Variants in RSF1 observed in about 807,000 individuals in gnomAD.
RSF1 encodes HBV pX-associated protein 8.
RSF1 carries 13 observed loss-of-function variants against 145.2 expected under a neutral mutation model. That is an observed-to-expected ratio of 0.09 (90% CI 0.06 to 0.14). The LOEUF is 0.14. RSF1 is among the 10% of genes least tolerant of loss of function. The probability of loss-of-function intolerance (pLI) is 1.00; values close to 1 mark genes in which losing one functional copy is unlikely to be tolerated. For missense variants in RSF1, 1,517 were observed against 1,718.2 expected (o/e 0.88, Z 2.07); for synonymous variants, 577 against 592.6 (o/e 0.97, Z 0.38).
chr11:77,805,328 C>T (rs1161648593), intron 1 of RSF1, among the ~76,000 whole-genome samples: 1 of 151,762 alleles, frequency 6.6e-6, no homozygotes, highest in Non-Finnish European at 1.5e-5. Flanking sequence ...CTTAGCCAGG[C>T]GTGGTGGCAT....
intron 4 of RSF1, among the ~76,000 whole-genome samples, chr11:77,727,897 T>C (rs574524017): frequency 2.0e-5 from 3 of 152,242 alleles, no homozygotes; most frequent in Non-Finnish European, 4.4e-5. Context: ...GTAGTCGTTA[T>C]TATATGAAAA....
the RSF1 span, among the ~76,000 whole-genome samples, chr11:77,865,024 T>C: frequency 2.0e-5 from 3 of 152,132 alleles, no homozygotes; most frequent in African/African-American, 7.2e-5. Flanking sequence ...TAGTTCTTAC[T>C]CTCTCCTTCT....
chr11:77,702,770 T>C (rs1565154045), intron 5 of RSF1: 1 of 251,288 alleles, frequency 4.0e-6, no homozygotes, highest in Admixed American at 5.4e-5. Context: ...CAAATATTTA[T>C]GCAGTTCAAA....
intron 2 of RSF1, among the ~76,000 whole-genome samples, chr11:77,747,749 TTCTC>T (rs1332066551): frequency 1.3e-5 from 2 of 152,076 alleles, no homozygotes; most frequent in Non-Finnish European, 2.9e-5. Flanking sequence ...GCAAGAAACT[TTCTC>T]TCATTTCAGC....
At chr11:77,761,009 C>T (rs186620444) in intron 2 of RSF1, among the ~76,000 whole-genome samples, 2 of 152,050 alleles carry the variant, frequency 1.3e-5, no homozygotes, top group African/African-American at 4.8e-5. Context: ...CTCACTGCAA[C>T]CTCCGCCTCC....
At chr11:77,850,197 G>A in the RSF1 span, among the ~76,000 whole-genome samples, 4 of 152,176 alleles carry the variant, frequency 2.6e-5, no homozygotes, top group African/African-American at 4.8e-5. Flanking sequence ...AGATTTTGTA[G>A]TGATTACAGA....
At chr11:77,696,473 T>A (rs979881384) in intron 7 of RSF1, among the ~76,000 whole-genome samples, 3 of 152,232 alleles carry the variant, frequency 2.0e-5, no homozygotes, top group Non-Finnish European at 4.4e-5. Context: ...TTGAGGATTA[T>A]CCTTAAGCAC....
intron 3 of RSF1, among the ~76,000 whole-genome samples, chr11:77,743,754 G>C (rs1565167316): frequency 6.6e-6 from 1 of 152,078 alleles, no homozygotes; most frequent in Non-Finnish European, 1.5e-5. Context: ...GTACTATGTT[G>C]AATGTAAGTG....
Position 77,698,548 on chromosome 11 carries a change from G to C in RSF1, c.2654C>G (p.Ala885Gly). The C allele has an allele frequency of 3.1e-6, 5 of 1,614,066 alleles. No homozygotes were observed. The highest frequency in any genetic ancestry group is 4.2e-6 in the Non-Finnish European group (5 of 1,180,014). Residue 885 changes from alanine to glycine, a missense_variant, in exon 7 of 16, where the codon GCC becomes GGC. Transcript: ENST00000308488. ...EEEEEKESEE[A>G]ILADDDEPCK... is the part of the protein sequence containing the mutation. ...TGGTTCATCATCATCTGCTAGGATG[G>C]CTTCTTCACTTTCCTTTTCTTCCTC...
At chr11:77,747,625 C>CTTTAAGACA (rs758301411) in intron 2 of RSF1, among the ~76,000 whole-genome samples, 8 of 152,204 alleles carry the variant, frequency 5.3e-5, no homozygotes, top group Non-Finnish European at 1.2e-4. Context: ...TGTAACTTGG[C>CTTTAAGACA]TTTAAGATAA....
chr11:77,748,649 T>A (rs144060437), intron 2 of RSF1, among the ~76,000 whole-genome samples: 2 of 152,156 alleles, frequency 1.3e-5, no homozygotes, highest in Admixed American at 1.3e-4. Flanking sequence ...TTTACCACAA[T>A]GAGAAAGATA....
At chr11:77,856,094 G>C in the RSF1 span, among the ~76,000 whole-genome samples, 1 of 152,060 alleles carries the variant, frequency 6.6e-6, no homozygotes, top group African/African-American at 2.4e-5. Context: ...CTCCAGCCTG[G>C]GTGACAGAGT....
intron 1 of RSF1, among the ~76,000 whole-genome samples, chr11:77,803,560 C>T (rs1052976698): frequency 6.7e-5 from 10 of 149,986 alleles, no homozygotes; most frequent in African/African-American, 9.8e-5. Context: ...GGGTGGATCA[C>T]TTGAGGTCAG....
intron 4 of RSF1, among the ~76,000 whole-genome samples, chr11:77,730,764 A>G (rs1961187075): frequency 1.3e-5 from 2 of 152,200 alleles, no homozygotes; most frequent in African/African-American, 4.8e-5. Context: ...TTTTGAAAAC[A>G]GGAGTTTCCT....
At chr11:77,809,253 T>C (rs904059466) in intron 1 of RSF1, among the ~76,000 whole-genome samples, 1 of 152,236 alleles carries the variant, frequency 6.6e-6, no homozygotes, top group African/African-American at 2.4e-5. Flanking sequence ...TCTTGGTAGA[T>C]GACTTTATCA....
chr11:77,810,115 AACCTAAGTAAATCTTTTAAGTT>A (rs1219146165), intron 1 of RSF1, among the ~76,000 whole-genome samples: 1 of 152,226 alleles, frequency 6.6e-6, no homozygotes, highest in Non-Finnish European at 1.5e-5. Context: ...TCCTCTAAGT[AACCTAAGTAAATCTTTTAAGTT>A]CTACCTTTAA....
At position 77,661,593 on chromosome 11, in the gene RSF1, A is replaced by G. The variant is rs1959234394; in HGVS notation, c.*5324T>C. The G allele has an allele frequency of 6.6e-6, 1 of 152,022 alleles. No individual in the cohort carries two copies. The highest frequency in any genetic ancestry group is 1.5e-5 in the Non-Finnish European group (1 of 67,974). The allele number at this position is 152,022 out of a possible 1,614,324, so 9.4% of individuals were successfully genotyped here. On this transcript the variant is annotated 3_prime_UTR_variant, in exon 16 of 16. Transcript: ENST00000308488. ...AGGAGAATGAAAAAGACATGGCACAAATTTTTAAACAATTTTAGGTTTAAT... is the reference window on the plus strand; with the variant it reads ...AGGAGAATGAAAAAGACATGGCACAGATTTTTAAACAATTTTAGGTTTAAT...
intron 3 of RSF1, among the ~76,000 whole-genome samples, chr11:77,745,024 CT>C (rs2135915783): frequency 6.6e-6 from 1 of 152,082 alleles, no homozygotes; most frequent in South Asian, 2.1e-4. Flanking sequence ...GTAATTCAGT[CT>C]TAGTAAGATA....
intron 3 of RSF1, among the ~76,000 whole-genome samples, chr11:77,746,614 T>C (rs1367315143): frequency 6.6e-6 from 1 of 152,156 alleles, no homozygotes; most frequent in Non-Finnish European, 1.5e-5. Flanking sequence ...AAGCCTACTT[T>C]GAGATGACCC....
Sources: allele counts gnomAD v4.1 joint callset (sites outside exome capture counted in the v4.1 genomes callset), GRCh38; gene constraint gnomAD v4.1.1; transcripts MANE v1.5; gene names NCBI Gene and HGNC (gene_info 2026-07-23, HGNC 2026-07-21).